Variants in NUDT3 observed in about 807,000 individuals in gnomAD.
The protein encoded by NUDT3 is diphosphoinositol polyphosphate phosphohydrolase 1.
NUDT3 carries 9 observed loss-of-function variants against 23.6 expected under a neutral mutation model. The observed-to-expected ratio is 0.38, with a 90% CI of 0.23 to 0.66. NUDT3 has a LOEUF of 0.66. NUDT3 is among the 30% of genes least tolerant of loss of function. The pLI, the probability that NUDT3 is intolerant of heterozygous loss-of-function variation, is 0.52. For missense variants in NUDT3, 172 were observed against 218.5 expected, an observed-to-expected ratio of 0.79 and a Z score of 1.34; for synonymous variants, 86 against 82.6, an observed-to-expected ratio of 1.04 and a Z score of -0.22.
chr6:34,315,317 A>G (rs1350009933), intron 2 of NUDT3, among the ~76,000 whole-genome samples: 1 of 152,246 alleles, frequency 6.6e-6, no homozygotes, highest in Admixed American at 6.5e-5. Flanking sequence ...AAAAAATTCA[A>G]CTTTGCCAAA....
chr6:34,294,103 C>T (rs1763464617), intron 3 of NUDT3, among the ~76,000 whole-genome samples: 1 of 152,166 alleles, frequency 6.6e-6, no homozygotes, highest in African/African-American at 2.4e-5. Flanking sequence ...ATCTTCTCAC[C>T]TCAGCTTCTT....
chr6:34,336,698 C>T (rs893084398), intron 2 of NUDT3, among the ~76,000 whole-genome samples: 1 of 151,582 alleles, frequency 6.6e-6, no homozygotes, highest in African/African-American at 2.4e-5. Context: ...TTTCACAAGA[C>T]TTTTTTTCAT....
Position 34,377,702 on chromosome 6 carries a change from A to G in NUDT3, c.99+14562T>C, listed in dbSNP as rs147591965. Among the ~76,000 whole-genome samples, 1,390 of 152,012 alleles carry G rather than the reference A, an allele frequency of 9.1e-3. 15 individuals are homozygous for G. The highest frequency in any genetic ancestry group is 0.024 in the Middle Eastern group (7 of 294). Reference sequence around the variant, plus strand: ...ACAAAAATTGGCCAGGTGTGGTGGCACACACCTGTAACCCCAGCTACTTGG... The same window carrying G: ...ACAAAAATTGGCCAGGTGTGGTGGCGCACACCTGTAACCCCAGCTACTTGG... On this transcript the variant is annotated intron_variant, in intron 1 of 4. Coordinates refer to ENST00000607016, the MANE Select transcript of NUDT3 (RefSeq NM_006703.4).
intron 2 of NUDT3, among the ~76,000 whole-genome samples, chr6:34,297,407 T>TG (rs1262520450): frequency 4.6e-5 from 7 of 152,024 alleles, no homozygotes; most frequent in Admixed American, 4.6e-4. Flanking sequence ...TTCTGTACTC[T>TG]GATCCCAGGC....
Position 34,328,446 on chromosome 6 carries a change from AAAT to A in NUDT3, c.210+13413_210+13415del, listed in dbSNP as rs770264374. Among the ~76,000 whole-genome samples, 4 of 152,228 alleles carry A rather than the reference AAAT, an allele frequency of 2.6e-5. No homozygotes were observed. In the East Asian group the frequency reaches 5.8e-4, roughly 22 times the overall value. On this transcript the variant is annotated intron_variant, in intron 2 of 4. Transcript: ENST00000607016. The stretch of plus-strand genomic sequence containing the variant: ...GCTTACCATTTTTTTCTGATTATAA[AAAT>A]AATACATGTTCCTAGTAGAATGAAA...
intron 2 of NUDT3, among the ~76,000 whole-genome samples, chr6:34,297,761 T>TATATA (rs60304042): frequency 2.2e-4 from 17 of 77,524 alleles, no homozygotes; most frequent in African/African-American, 1.1e-3. Flanking sequence ...ATATATATAA[T>TATATA]TTTTTTTTTT....
At chr6:34,321,472 C>CCCCTA (rs1181278527) in intron 2 of NUDT3, among the ~76,000 whole-genome samples, 1 of 151,806 alleles carries the variant, frequency 6.6e-6, no homozygotes, top group African/African-American at 2.4e-5. Context: ...ATAATAATAA[C>CCCCTA]GTGTTGTCTC....
At chr6:34,365,429 A>G (rs1764712434) in intron 1 of NUDT3, among the ~76,000 whole-genome samples, 1 of 152,162 alleles carries the variant, frequency 6.6e-6, no homozygotes, top group Non-Finnish European at 1.5e-5. Flanking sequence ...CTCTGTCTCA[A>G]AAATAAATAA....
chr6:34,352,259 G>T (rs1397717862), intron 1 of NUDT3, among the ~76,000 whole-genome samples: 1 of 151,968 alleles, frequency 6.6e-6, no homozygotes, highest in African/African-American at 2.4e-5. Flanking sequence ...CAACTTCCCG[G>T]GCTCAAGCAA....
rs190128591 is a variant in NUDT3 at position 34,379,823 on chromosome 6, T to C, written c.99+12441A>G. Among the ~76,000 whole-genome samples the C allele has an allele frequency of 4.2e-3, 635 of 151,914 alleles. 5 individuals carry two copies. The highest frequency in any genetic ancestry group is 0.015 in the African/African-American group (602 of 41,478). On this transcript the variant is annotated intron_variant, in intron 1 of 4. Transcript: ENST00000607016. ...TGAGGTCAGGAGTTCGAGATCAGCC[T>C]GGCCAACATGGTGAAACCCCATCTC...
intron 1 of NUDT3, among the ~76,000 whole-genome samples, chr6:34,376,827 A>G (rs916541082): frequency 2.6e-5 from 4 of 151,970 alleles, no homozygotes; most frequent in Non-Finnish European, 5.9e-5. Flanking sequence ...ACTCCTCATT[A>G]TCTCAAATCA....
Position 34,293,828 on chromosome 6 carries a change from AT to A in NUDT3, c.256-294del, listed in dbSNP as rs575520146. On this transcript the variant is annotated intron_variant, in intron 3 of 4. Coordinates refer to ENST00000607016, the MANE Select transcript of NUDT3 (RefSeq NM_006703.4). Reference sequence around the variant, plus strand: ...ATGAGAAGAAAAAGGCATCATGTAAATTTAACTAGCTAGACCACCAGGGAGA... The same window carrying A: ...ATGAGAAGAAAAAGGCATCATGTAAATTAACTAGCTAGACCACCAGGGAGA... Among the ~76,000 whole-genome samples, 514 of 152,252 alleles carry A rather than the reference AT, an allele frequency of 3.4e-3. 3 individuals carry two copies. The highest frequency in any genetic ancestry group is 7.6e-3 in the African/African-American group (316 of 41,534).
chr6:34,285,213 A>C lies in NUDT3; in HGVS notation c.*3540T>G, dbSNP rs892357908. On this transcript the variant is annotated 3_prime_UTR_variant, in exon 5 of 5. Transcript: ENST00000607016. The stretch of plus-strand genomic sequence containing the variant: ...GTTCCATCCTGTTATATTTGCTGTG[A>C]GGAAAATTAAGATTCCTGTTGTATG... 2.0e-5 allele frequency: 3 copies of C among 152,236 alleles called. No homozygotes were observed. The highest frequency in any genetic ancestry group is 7.2e-5 in the African/African-American group (3 of 41,456). 9.4% of individuals were successfully genotyped at this position (152,236 alleles called of 1,614,324 possible). A position where few individuals can be genotyped will look rare whatever the true frequency, so the allele number is the denominator to read the frequency against.
chr6:34,356,229 T>C (rs549856857), intron 1 of NUDT3, among the ~76,000 whole-genome samples: 2 of 152,294 alleles, frequency 1.3e-5, no homozygotes, highest in Admixed American at 6.5e-5. Context: ...TATATCAAAA[T>C]ATCTTACGTA....
chr6:34,365,598 T>A (rs1764715152), intron 1 of NUDT3, among the ~76,000 whole-genome samples: 1 of 152,142 alleles, frequency 6.6e-6, no homozygotes, highest in Admixed American at 6.6e-5. Context: ...ATGAGATACC[T>A]GGAGTAGTCA....
chr6:34,293,343 T>C, intron 4 of NUDT3, 108 bp downstream of exon 4: 1 of 1,300,628 alleles, frequency 7.7e-7, no homozygotes, highest in Non-Finnish European at 1.1e-6. Context: ...GTTATAGGTG[T>C]GAGCCACTGA....
At chr6:34,387,064 C>G (rs573519188) in intron 1 of NUDT3, among the ~76,000 whole-genome samples, 4 of 152,268 alleles carry the variant, frequency 2.6e-5, no homozygotes, top group Middle Eastern at 3.4e-3. Flanking sequence ...GAGCTGTGAT[C>G]ACACCATTAT....
At chr6:34,291,513 T>A (rs184603128) in intron 4 of NUDT3, among the ~76,000 whole-genome samples, 1,657 of 149,412 alleles carry the variant, frequency 0.011, 13 homozygotes, top group Middle Eastern at 0.043. Context: ...TTGACAAAAA[T>A]TTTTTTTTTT....
chr6:34,300,494 A>G (rs1763582785), intron 2 of NUDT3, among the ~76,000 whole-genome samples: 1 of 152,220 alleles, frequency 6.6e-6, no homozygotes, highest in African/African-American at 2.4e-5. Context: ...TGTATGTTCA[A>G]CAGCTCCTTA....
Sources: gnomAD v4.1 joint callset for allele counts (sites outside exome capture counted in the v4.1 genomes callset) on GRCh38, gnomAD v4.1.1 for gene constraint, MANE v1.5 for transcripts, NCBI Gene and HGNC (gene_info 2026-07-23, HGNC 2026-07-21) for gene names.